The following ZNF124 variants were observed in gnomAD, a reference collection of about 807,000 sequenced individuals.
ZNF124 encodes the protein zinc finger protein 124, also known as zinc finger protein HZF-16.
A neutral mutation model predicts 26.6 loss-of-function variants in ZNF124; 25 were observed. That is an observed-to-expected ratio of 0.94 (90% CI 0.68 to 1.31). ZNF124 has a LOEUF of 1.31. Among genes scored for constraint, ZNF124 ranks in the 40% most tolerant of loss-of-function variants. ZNF124 has a pLI of 0.00. For missense variants in ZNF124, 444 were observed against 422.2 expected, an observed-to-expected ratio of 1.05 and a Z score of -0.45; for synonymous variants, 129 against 133.3, an observed-to-expected ratio of 0.97 and a Z score of 0.22.
rs1055192701 is a variant in ZNF124 at position 247,170,741 on chromosome 1, T to C, written c.30+1107A>G. ...ATTGACCAAGCAGGGGGTACATAACTGGGGGCTGCATGCACCGGCAATCAG... is the reference window on the plus strand; with the variant it reads ...ATTGACCAAGCAGGGGGTACATAACCGGGGGCTGCATGCACCGGCAATCAG... On this transcript the variant is annotated intron_variant, in intron 1 of 3. Transcript: ENST00000543802. Among the ~76,000 whole-genome samples, 9 of 142,416 alleles carry C rather than the reference T, an allele frequency of 6.3e-5. 1 individual carries two copies. Among genetic ancestry groups the C allele is most frequent in the African/African-American group, 2.6e-4 (9 of 34,754 alleles). 93.4% of individuals were successfully genotyped at this position (142,416 alleles called of 152,430 possible).
intron 3 of ZNF124, among the ~76,000 whole-genome samples, chr1:247,133,864 G>A (rs1672425722): frequency 6.6e-6 from 1 of 151,910 alleles, no homozygotes; most frequent in Admixed American, 6.6e-5. Flanking sequence ...TGTTAGTCAG[G>A]CTGGCCTCAA....
intron 3 of ZNF124, chr1:247,138,763 G>A (rs1309580541): frequency 7.5e-6 from 3 of 398,442 alleles, no homozygotes; most frequent in Non-Finnish European, 1.3e-5. Flanking sequence ...TACATCTGTA[G>A]GAAAATTGAA....
rs544967787 is a variant in ZNF124, at chr1:247,140,801, T to A, written c.219-16930A>T. Among the ~76,000 whole-genome samples the A allele has an allele frequency of 7.9e-5, 12 of 152,288 alleles. No homozygotes were observed. In the South Asian group the frequency reaches 2.3e-3, roughly 29 times the overall value. ...GGTGGTGCTTAGGCATACTGGTTAG[T>A]TGGTAGGCTCTTGCTTGGTCATGTG... On this transcript the variant is annotated intron_variant, in intron 3 of 3. Transcript: ENST00000472531.
chr1:247,145,285 A>G (rs1211110142), intron 3 of ZNF124, among the ~76,000 whole-genome samples: 4 of 152,204 alleles, frequency 2.6e-5, no homozygotes, highest in Non-Finnish European at 4.4e-5. Context: ...AGATTTGATG[A>G]TAAAAGACAC....
intron 3 of ZNF124, among the ~76,000 whole-genome samples, chr1:247,133,505 C>A (rs1299059539): frequency 3.9e-5 from 6 of 151,966 alleles, no homozygotes; most frequent in Admixed American, 3.9e-4. Flanking sequence ...TCTCCAAGGT[C>A]AAAATGAAGG....
chr1:247,162,187 T>C lies in ZNF124; in HGVS notation c.31-2374A>G, dbSNP rs539094889. Among the ~76,000 whole-genome samples the C allele has an allele frequency of 4.6e-5, 7 of 152,238 alleles. No individual in the cohort carries two copies. The East Asian group carries it at 9.6e-4, about 21-fold the overall frequency. ...GTAAGTACATAGACCAGTGACACTA[T>C]AAAGCAAGCATACAAACAAGTCTGC... On this transcript the variant is annotated intron_variant, in intron 1 of 3. Coordinates refer to ENST00000543802, the MANE Select transcript of ZNF124 (RefSeq NM_001297568.2).
chr1:247,161,880 C>T (rs1385089462), intron 1 of ZNF124, among the ~76,000 whole-genome samples: 1 of 152,106 alleles, frequency 6.6e-6, no homozygotes, highest in Non-Finnish European at 1.5e-5. Context: ...GGATATACTC[C>T]ATTGCTATTT....
chr1:247,122,615 A>G (rs1672107663), exon 4 of ZNF124: 1 of 152,202 alleles, frequency 6.6e-6, no homozygotes, highest in Admixed American at 6.5e-5. Context: ...ATTCACAGGC[A>G]CACTTCAGCC....
At chr1:247,157,948 G>GT (rs1175137113) in intron 3 of ZNF124, among the ~76,000 whole-genome samples, 347 of 130,876 alleles carry the variant, frequency 2.7e-3, no homozygotes, top group Non-Finnish European at 4.4e-3. Flanking sequence ...AGATCCGATT[G>GT]TTAAAAAAAA....
intron 3 of ZNF124, chr1:247,138,244 G>A (rs938565637): frequency 6.6e-6 from 1 of 151,978 alleles, no homozygotes; most frequent in South Asian, 2.1e-4. Context: ...AGAAAATGTG[G>A]TGTATATATA....
At chr1:247,150,693 C>T (rs1672908745), downstream of ZNF124, among the ~76,000 whole-genome samples, 1 of 151,306 alleles carries the variant, frequency 6.6e-6, no homozygotes, top group South Asian at 2.1e-4. Flanking sequence ...AAATTAAGAC[C>T]TTATCAAAAT....
intron 3 of ZNF124, among the ~76,000 whole-genome samples, chr1:247,143,197 G>T (rs576987673): frequency 2.6e-5 from 4 of 152,084 alleles, no homozygotes; most frequent in African/African-American, 7.2e-5. Flanking sequence ...CCACAAATCA[G>T]TTTGAAACCA....
At chr1:247,158,174 C>A (rs184014437) in intron 3 of ZNF124, among the ~76,000 whole-genome samples, 54 of 152,158 alleles carry the variant, frequency 3.5e-4, no homozygotes, top group Middle Eastern at 3.4e-3. Context: ...CACTTGAACC[C>A]GGGAGGCGGA....
intron 3 of ZNF124, among the ~76,000 whole-genome samples, chr1:247,148,751 G>A (rs914858588): frequency 1.3e-5 from 2 of 152,070 alleles, no homozygotes; most frequent in African/African-American, 4.8e-5. Flanking sequence ...ACGAGGTCAG[G>A]AGATTGAGAC....
intron 3 of ZNF124, among the ~76,000 whole-genome samples, chr1:247,132,182 ACAG>A (rs1378608003): frequency 6.6e-6 from 1 of 152,156 alleles, no homozygotes; most frequent in Non-Finnish European, 1.5e-5. Context: ...AGGCAGCCCT[ACAG>A]AAGAGGGACC....
At chr1:247,127,677 T>C (rs1672240998) in intron 3 of ZNF124, among the ~76,000 whole-genome samples, 1 of 148,812 alleles carries the variant, frequency 6.7e-6, no homozygotes, top group African/African-American at 2.5e-5. Flanking sequence ...TGTTCCGTTC[T>C]GATTGCCGGT....
At chr1:247,164,013 C>A (rs181033848) in intron 1 of ZNF124, among the ~76,000 whole-genome samples, 5 of 152,056 alleles carry the variant, frequency 3.3e-5, no homozygotes, top group African/African-American at 1.2e-4. Flanking sequence ...ATGTGATTCA[C>A]AACATAAACA....
chr1:247,136,968 G>A (rs752209863), intron 3 of ZNF124, among the ~76,000 whole-genome samples: 3 of 151,542 alleles, frequency 2.0e-5, no homozygotes, highest in Admixed American at 1.3e-4. Flanking sequence ...AAATTATATG[G>A]AGTCAAAGAA....
intron 1 of ZNF124, 191 bp from the exon 2 acceptor site, chr1:247,160,004 T>TTTTTTTA (rs1673393766): frequency 2.1e-6 from 1 of 485,304 alleles, no homozygotes; most frequent in Non-Finnish European, 3.1e-6. Context: ...TTTTTTTTTT[T>TTTTTTTA]GAGACGGAGT....
Sources: gnomAD v4.1 joint callset for allele counts (sites outside exome capture counted in the v4.1 genomes callset) on GRCh38, gnomAD v4.1.1 for gene constraint, MANE v1.5 for transcripts, NCBI Gene and HGNC (gene_info 2026-07-23, HGNC 2026-07-21) for gene names.